The following NEU4 variants were observed in gnomAD, a reference collection of about 807,000 sequenced individuals.
The protein encoded by NEU4 is neuraminidase 4.
NEU4 carries 7 observed loss-of-function variants against 9.9 expected under a neutral mutation model. The observed-to-expected ratio is 0.71, with a 90% CI of 0.40 to 1.33. The LOEUF (loss-of-function observed/expected upper bound fraction) is 1.33. Among genes scored for constraint, NEU4 ranks in the 40% most tolerant of loss-of-function variants. The pLI is 0.01. For synonymous variants in NEU4, 348 were observed against 316.9 expected, an observed-to-expected ratio of 1.10 and a Z score of -1.04; for missense variants, 717 against 712.6, an observed-to-expected ratio of 1.01 and a Z score of -0.07.
chr2:241,810,083 G>A (rs1337825619), intron 1 of NEU4, among the ~76,000 whole-genome samples: 1 of 152,192 alleles, frequency 6.6e-6, no homozygotes, highest in Admixed American at 6.5e-5. Flanking sequence ...GGGGTGGGGA[G>A]GTTGTCCCTT....
intron 1 of NEU4, among the ~76,000 whole-genome samples, chr2:241,810,258 T>C (rs74594321): frequency 6.9e-6 from 1 of 144,750 alleles, no homozygotes; most frequent in Non-Finnish European, 1.5e-5. Flanking sequence ...GAAAGCCACT[T>C]GGGGGAAGCT....
At chr2:241,813,368 C>T (rs1292396570) in intron 1 of NEU4, 30 of 1,046,506 alleles carry the variant, frequency 2.9e-5, no homozygotes, top group Non-Finnish European at 3.4e-5. Context: ...CCGGCCTGGG[C>T]GGCTGGCCGT....
rs747145043 is a variant in NEU4 at position 241,816,347 on chromosome 2, C to G, written c.754C>G (p.Leu252Val). 3 of 1,583,694 alleles carry G rather than the reference C, an allele frequency of 1.9e-6. No homozygotes were observed. The East Asian group carries it at 6.9e-5, about 37-fold the overall frequency. Reference sequence around the variant, plus strand: ...CCCACTGGGCAGCCGTGTGCAGGCGCTCAGCACTGACGAGGGCACCTCCTT... The same window carrying G: ...CCCACTGGGCAGCCGTGTGCAGGCGGTCAGCACTGACGAGGGCACCTCCTT... ...RSPLGSRVQA[L>V]STDEGTSFLP... Residue 252 changes from leucine (L) to valine (V), a missense_variant, in exon 4 of 4, where the codon CTC (leucine) becomes GTC (valine). Physicochemically the swap from Leu to Val is conservative, Grantham distance 32. Coordinates refer to ENST00000407683, the MANE Select transcript of NEU4 (RefSeq NM_001167600.3).
intron 1 of NEU4, chr2:241,810,631 C>T (rs1354316962): frequency 6.5e-6 from 1 of 153,110 alleles, no homozygotes; most frequent in Non-Finnish European, 1.5e-5. Flanking sequence ...GAGATTCTGG[C>T]CTGGGCAGTG....
chr2:241,814,043 A>G (rs1263153944), intron 1 of NEU4: 1 of 433,304 alleles, frequency 2.3e-6, no homozygotes, highest in Non-Finnish European at 4.8e-6. Context: ...TATTCTGGGG[A>G]CACTGAGCTC....
chr2:241,811,357 G>C, intron 1 of NEU4: 1 of 1,460,766 alleles, frequency 6.8e-7, no homozygotes, highest in South Asian at 1.4e-5. Context: ...CCTGAGACGT[G>C]GCCAGCTCCC....
Position 241,816,548 on chromosome 2 carries a change from G to T in NEU4, c.955G>T (p.Glu319Ter). The T allele has an allele frequency of 6.2e-7, 1 of 1,611,710 alleles. No homozygotes were observed. ...LGPGVHEPPE[E>*]AAVDPRGGQV... ...TCCTGGAGTCCACGAACCCCCAGAG[G>T]AGGCTGCTGTAGACCCCCGTGGAGG... The change falls in exon 4 of 4, where the codon GAG becomes TAG. Residue 319 changes from glutamate (E) to a stop codon, truncating the protein, a stop_gained. Coordinates refer to ENST00000407683, the MANE Select transcript of NEU4 (RefSeq NM_001167600.3). LOFTEE classifies it low-confidence loss of function (END_TRUNC).
chr2:241,817,135 G>A lies in NEU4; in HGVS notation c.*87G>A. The A allele has an allele frequency of 7.4e-7, 1 of 1,360,438 alleles. No individual in the cohort carries two copies. Among genetic ancestry groups the A allele is most frequent in the Non-Finnish European group, 9.7e-7 (1 of 1,026,604 alleles). 84.3% of individuals were successfully genotyped at this position (1,360,438 alleles called of 1,614,324 possible). A position where few individuals can be genotyped will look rare whatever the true frequency, so the allele number is the denominator to read the frequency against. ...GGGTGCCCCACGATAGCTGTGGGGG[G>A]GGCTCTTAGTGCAGGATCCTGTGGA... On this transcript the variant is annotated 3_prime_UTR_variant, in exon 4 of 4. Coordinates refer to ENST00000407683, the MANE Select transcript of NEU4 (RefSeq NM_001167600.3).
Position 241,817,045 on chromosome 2 carries a change from C to T in NEU4, c.1452C>T (p.Ser484=). The T allele has an allele frequency of 6.3e-7, 1 of 1,582,444 alleles. No individual in the cohort carries two copies. The highest frequency in any genetic ancestry group is 8.6e-7 in the Non-Finnish European group (1 of 1,165,854). The change falls in exon 4 of 4, where the codon TCC becomes TCT. Residue 484 remains serine, a synonymous_variant. Coordinates refer to ENST00000407683, the MANE Select transcript of NEU4 (RefSeq NM_001167600.3). ...AGCCTCGGGGGTGCTGCTGGCCCTC[C>T]TGACAGGCCTTCTGGCCGTGCCCAT... is the stretch of plus-strand genomic sequence containing the variant. ...GDKPRGCCWP[S]
intron 1 of NEU4, among the ~76,000 whole-genome samples, chr2:241,810,241 G>C (rs545334323): frequency 1.3e-5 from 2 of 151,286 alleles, no homozygotes; most frequent in African/African-American, 4.9e-5. Flanking sequence ...CTCTGTCCCC[G>C]TGGGGTGAAA....
intron 1 of NEU4, chr2:241,811,831 A>C: frequency 4.1e-6 from 1 of 246,060 alleles, no homozygotes; most frequent in Non-Finnish European, 7.8e-6. Context: ...CGTTCTGCAG[A>C]TGGGCTGGTC....
At chr2:241,815,555 C>G (rs772696458) in intron 3 of NEU4, 5 of 503,302 alleles carry the variant, frequency 9.9e-6, no homozygotes, top group Non-Finnish European at 2.0e-5. Flanking sequence ...GAAGGCTGGA[C>G]GCTGAGGTGT....
rs778581386 is a variant in NEU4, at chr2:241,814,816, G to A, written c.202-76G>A. The A allele has an allele frequency of 3.5e-5, 54 of 1,553,740 alleles. No homozygotes were observed. The Admixed American group carries it at 4.8e-4, about 14-fold the overall frequency. On this transcript the variant is annotated intron_variant, in intron 2 of 3. Transcript: ENST00000407683. ...TAGAGATGAGCAAACCAGGCTCAGC[G>A]ATCCTGGGTGCCCTGCGGGGGGCTG...
At chr2:241,815,618 T>G in intron 3 of NEU4, 1 of 497,242 alleles carries the variant, frequency 2.0e-6, no homozygotes, top group Non-Finnish European at 4.0e-6. Flanking sequence ...CTCTTATTCT[T>G]TACTCCCTTC....
chr2:241,811,209 T>A (rs1001990576), intron 1 of NEU4: 92 of 1,237,462 alleles, frequency 7.4e-5, no homozygotes, highest in Non-Finnish European at 1.6e-5. Context: ...CAGTGTTGAG[T>A]GCCTTGACCT....
intron 3 of NEU4, chr2:241,815,548 G>C: frequency 3.9e-6 from 2 of 507,416 alleles, no homozygotes; most frequent in East Asian, 1.3e-4. Flanking sequence ...CAGAGGAGAA[G>C]GCTGGACGCT....
chr2:241,816,167 C>T lies in NEU4; in HGVS notation c.574C>T (p.Arg192Trp), dbSNP rs185223376. Reference sequence around the variant, plus strand: ...CCGAGAGTGTTTTGGCAAGATCTGCCGGACCAGCCCTCACTCCTTCGCCTT... The same window carrying T: ...CCGAGAGTGTTTTGGCAAGATCTGCTGGACCAGCCCTCACTCCTTCGCCTT... Reference protein sequence around the residue: ...DRRECFGKICRTSPHSFAFYS... With the variant: ...DRRECFGKICWTSPHSFAFYS... Residue 192 changes from arginine (R) to tryptophan (W), a missense_variant, in exon 4 of 4, where the codon CGG becomes TGG. Transcript: ENST00000407683. 3.8e-5 allele frequency: 62 copies of T among 1,612,524 alleles called. No individual in the cohort carries two copies. The highest frequency in any genetic ancestry group is 3.3e-4 in the Middle Eastern group (2 of 6,062).
At chr2:241,809,395 A>G (rs1700042709) in intron 1 of NEU4, 121 bp downstream of exon 1, 1 of 470,156 alleles carries the variant, frequency 2.1e-6, no homozygotes, top group Non-Finnish European at 3.7e-6. Context: ...GGCGGTTAAA[A>G]TGCTGCCACG....
chr2:241,816,860 GCGTCC>G lies in NEU4; in HGVS notation c.1268_1272del (p.Ala423AspfsTer6), dbSNP rs1700366169. 1 of 1,612,078 alleles carries G rather than the reference GCGTCC, an allele frequency of 6.2e-7. No individual in the cohort carries two copies. The highest frequency in any genetic ancestry group is 8.5e-7 in the Non-Finnish European group (1 of 1,179,744). On this transcript the variant is annotated frameshift_variant, in exon 4 of 4. Transcript: ENST00000407683. LOFTEE classifies it low-confidence loss of function (END_TRUNC). ...GGGCCCCAGCGGCTACTCCGACCTG[GCGTCC>G]ATCGGGCCGGCCCCTGAGGGGGGCC...
Sources: allele counts gnomAD v4.1 joint callset (sites outside exome capture counted in the v4.1 genomes callset), GRCh38; gene constraint gnomAD v4.1.1; transcripts MANE v1.5; gene names NCBI Gene and HGNC (gene_info 2026-07-23, HGNC 2026-07-21).